The following MID2 variants were observed in gnomAD, a reference collection of about 807,000 sequenced individuals.
MID2 encodes the protein probable E3 ubiquitin-protein ligase MID2.
In MID2, 13 loss-of-function variants were observed where a neutral mutation model predicts 46.1. The observed-to-expected ratio is 0.28, with a 90% confidence interval of 0.18 to 0.45. The LOEUF is 0.45. Ranked by LOEUF, MID2 falls within the 20% of genes least tolerant of loss-of-function variation. MID2 has a pLI of 1.00. For missense variants in MID2, 431 were observed against 575.4 expected (o/e 0.75, Z 2.57); for synonymous variants, 199 against 212.3 (o/e 0.94, Z 0.55).
intron 3 of MID2, among the ~76,000 whole-genome samples, chrX:107,889,062 G>T (rs1458973165): frequency 9.0e-6 from 1 of 111,241 alleles, no homozygotes; most frequent in Non-Finnish European, 1.9e-5. Flanking sequence ...GATGGGTCTT[G>T]ACTCTTTATC....
chrX:107,832,053 T>A (rs1931099707), intron 1 of MID2, among the ~76,000 whole-genome samples: 1 of 112,502 alleles, frequency 8.9e-6, no homozygotes, highest in South Asian at 3.7e-4. Flanking sequence ...ATGATGACTA[T>A]CTTGTATAAA....
chrX:107,896,314 A>C (rs2147858585), intron 3 of MID2: 1 of 112,310 alleles, frequency 8.9e-6, no homozygotes, highest in East Asian at 2.8e-4. Context: ...AATTGAGCCG[A>C]GATCATGCCA....
chrX:107,926,928 G>A lies in MID2; in HGVS notation c.2063G>A (p.Cys688Tyr). 1 of 1,211,374 alleles carries A rather than the reference G, an allele frequency of 8.3e-7. No homozygotes were observed. Among genetic ancestry groups the A allele is most frequent in the East Asian group, 3.0e-5 (1 of 33,844 alleles). Residue 688 changes from cysteine to tyrosine, a missense_variant, in exon 10 of 10, where the codon TGT becomes TAT. Transcript: ENST00000262843. ...GATGTGACCTTCATTCTTCCAGTTT[G>A]TCCAACATTTACAATCTGGAACAAA... ...TFDVTFILPVCPTFTIWNKSL... is the reference protein window; with the variant it reads ...TFDVTFILPVYPTFTIWNKSL...
At chrX:107,851,543 G>A (rs2097946499) in intron 2 of MID2, among the ~76,000 whole-genome samples, 1 of 110,569 alleles carries the variant, frequency 9.0e-6, no homozygotes, top group Non-Finnish European at 1.9e-5. Flanking sequence ...CCCTGCCCTG[G>A]GCTTTCCTAT....
intron 3 of MID2, among the ~76,000 whole-genome samples, chrX:107,885,143 T>C (rs1452774825): frequency 1.8e-5 from 2 of 110,610 alleles, no homozygotes; most frequent in Non-Finnish European, 3.8e-5. Context: ...TATTATACTT[T>C]TAAGTTTTAG....
intron 3 of MID2, among the ~76,000 whole-genome samples, chrX:107,868,978 G>A (rs762638159): frequency 6.3e-5 from 7 of 111,035 alleles, no homozygotes; most frequent in South Asian, 7.7e-4. Flanking sequence ...TACCTGTCAC[G>A]TGTTGTGATA....
At chrX:107,887,458 A>G (rs1264548489) in intron 3 of MID2, among the ~76,000 whole-genome samples, 1 of 112,060 alleles carries the variant, frequency 8.9e-6, no homozygotes, top group Non-Finnish European at 1.9e-5. Flanking sequence ...CCAGCCTTGC[A>G]TCCCAGGGAT....
intron 3 of MID2, among the ~76,000 whole-genome samples, chrX:107,885,430 G>A (rs1245962656): frequency 9.1e-6 from 1 of 110,375 alleles, no homozygotes; most frequent in African/African-American, 3.3e-5. Flanking sequence ...CTTCATCCAT[G>A]TCCCTAAAAA....
intron 5 of MID2, among the ~76,000 whole-genome samples, chrX:107,907,807 A>T (rs1269800628): frequency 1.8e-5 from 2 of 112,318 alleles, no homozygotes; most frequent in African/African-American, 6.5e-5. Context: ...TAGAAAGTAA[A>T]ATATTACTAT....
chrX:107,878,012 G>GAA (rs367576897), intron 3 of MID2, among the ~76,000 whole-genome samples: 1 of 96,332 alleles, frequency 1.0e-5, no homozygotes, highest in Admixed American at 1.1e-4. Flanking sequence ...AAAAAGAAAG[G>GAA]AAAAAAAAAA....
intron 3 of MID2, among the ~76,000 whole-genome samples, chrX:107,874,446 C>G (rs1176506833): frequency 8.9e-6 from 1 of 112,744 alleles, no homozygotes; most frequent in Non-Finnish European, 1.9e-5. Flanking sequence ...TGGAGGCAGG[C>G]TGTCCATCTT....
chrX:107,892,104 C>T (rs1255172581), intron 3 of MID2, among the ~76,000 whole-genome samples: 1 of 111,959 alleles, frequency 8.9e-6, no homozygotes, highest in Non-Finnish European at 1.9e-5. Context: ...TGAATCCATC[C>T]CTCAGAAACA....
At chrX:107,838,825 G>A (rs1483778752) in intron 1 of MID2, among the ~76,000 whole-genome samples, 1 of 112,029 alleles carries the variant, frequency 8.9e-6, no homozygotes, top group African/African-American at 3.2e-5. Flanking sequence ...GCTTTTCTTG[G>A]GCTTGGCTCT....
At chrX:107,850,865 G>T (rs1224864181) in intron 2 of MID2, among the ~76,000 whole-genome samples, 1 of 111,847 alleles carries the variant, frequency 8.9e-6, no homozygotes, top group Non-Finnish European at 1.9e-5. Flanking sequence ...TCTGTACTGT[G>T]AATTATTTAT....
intron 3 of MID2, among the ~76,000 whole-genome samples, chrX:107,867,515 T>C (rs1030531618): frequency 4.5e-5 from 5 of 110,733 alleles, no homozygotes; most frequent in African/African-American, 1.3e-4. Context: ...TAAGTACACA[T>C]TGGGAAAATA....
chrX:107,854,109 G>T (rs1931690269), intron 2 of MID2, among the ~76,000 whole-genome samples: 1 of 111,749 alleles, frequency 8.9e-6, no homozygotes, highest in Admixed American at 9.5e-5. Flanking sequence ...TATGCTTCTT[G>T]ACTTATGTTA....
rs764420491 is a variant in MID2 at position 107,926,814 on chromosome X, A to G, written c.1949A>G (p.His650Arg). The G allele has an allele frequency of 4.1e-6, 5 of 1,211,618 alleles. No individual in the cohort carries two copies. Among genetic ancestry groups the G allele is most frequent in the Non-Finnish European group, 5.6e-6 (5 of 895,356 alleles). The change falls in exon 10 of 10, where the codon CAC becomes CGC. Residue 650 changes from histidine (H) to arginine (R), a missense_variant. His to Arg is a conservative substitution (Grantham distance 29). Transcript: ENST00000262843. ...GAAATGCTGGTGGATGTGCCCCCAC[A>G]CCTGAAGCGTCTGGGTGTCCTCCTG... is the stretch of plus-strand genomic sequence containing the variant. The part of the protein sequence containing the change: ...NKEMLVDVPP[H>R]LKRLGVLLDY...
rs763609485 is a variant in MID2 at position 107,927,154 on chromosome X, C to G, written c.*81C>G. On this transcript the variant is annotated 3_prime_UTR_variant, in exon 10 of 10. Coordinates refer to ENST00000262843, the MANE Select transcript of MID2 (RefSeq NM_012216.4). ...TACACCTAAGTTAGCGTTCAATATACGAGACACAAAATAAAGTTTGTTTGA... is the reference window on the plus strand; with the variant it reads ...TACACCTAAGTTAGCGTTCAATATAGGAGACACAAAATAAAGTTTGTTTGA... 5.6e-6 allele frequency: 5 copies of G among 886,225 alleles called. No homozygotes were observed. Among genetic ancestry groups the G allele is most frequent in the Non-Finnish European group, 7.6e-6 (5 of 654,166 alleles). 73.0% of individuals were successfully genotyped at this position (886,225 alleles called of 1,213,427 possible). A position where few individuals can be genotyped will look rare whatever the true frequency, so the allele number is the denominator to read the frequency against.
At chrX:107,905,709 T>C in intron 5 of MID2, 83 bp downstream of exon 5, 1 of 820,923 alleles carries the variant, frequency 1.2e-6, no homozygotes, top group Non-Finnish European at 1.7e-6. Context: ...GGCATGTATC[T>C]AACAGCTGCC....
Sources: gnomAD v4.1 joint callset for allele counts (sites outside exome capture counted in the v4.1 genomes callset) on GRCh38, gnomAD v4.1.1 for gene constraint, MANE v1.5 for transcripts, NCBI Gene and HGNC (gene_info 2026-07-23, HGNC 2026-07-21) for gene names.